The following BCO1 variants were observed in gnomAD, a reference collection of about 807,000 sequenced individuals.
BCO1 encodes the protein beta-carotene oxygenase 1.
A neutral mutation model predicts 56.3 loss-of-function variants in BCO1; 54 were observed. That is an observed-to-expected ratio of 0.96 (90% CI 0.77 to 1.20). The LOEUF is 1.20. Ranked by LOEUF, BCO1 falls within the 50% of genes most tolerant of loss-of-function variation. BCO1 has a pLI of 0.00. For missense variants in BCO1, 801 were observed against 690.9 expected (o/e 1.16, Z -1.79); for synonymous variants, 318 against 266.1 (o/e 1.20, Z -1.90).
At chr16:81,288,849 C>A (rs564835417) in intron 10 of BCO1, among the ~76,000 whole-genome samples, 1 of 152,348 alleles carries the variant, frequency 6.6e-6, no homozygotes, top group East Asian at 1.9e-4. Context: ...AGCCTGCCAG[C>A]TTCTTCCCTC....
chr16:81,286,981 A>C (rs980883057), intron 9 of BCO1, among the ~76,000 whole-genome samples: 2 of 152,108 alleles, frequency 1.3e-5, no homozygotes, highest in African/African-American at 4.8e-5. Context: ...AGGCTGAGGC[A>C]GGAGAATCAC....
At chr16:81,244,350 G>C (rs747387978) in intron 1 of BCO1, among the ~76,000 whole-genome samples, 1 of 151,710 alleles carries the variant, frequency 6.6e-6, no homozygotes, top group Non-Finnish European at 1.5e-5. Flanking sequence ...TTATTTCAGT[G>C]GTATATTTTA....
intron 6 of BCO1, among the ~76,000 whole-genome samples, chr16:81,268,432 C>G (rs1906970913): frequency 6.6e-6 from 1 of 152,178 alleles, no homozygotes; most frequent in South Asian, 2.1e-4. Flanking sequence ...GGAGTGAGTC[C>G]TCAGTCCTTA....
intron 9 of BCO1, among the ~76,000 whole-genome samples, chr16:81,286,928 A>T (rs1420520697): frequency 1.3e-5 from 2 of 151,060 alleles, no homozygotes; most frequent in Admixed American, 1.3e-4. Flanking sequence ...ACAAAAAATC[A>T]GCCAGGTGTG....
chr16:81,257,041 A>G (rs1212070451), intron 2 of BCO1, among the ~76,000 whole-genome samples: 1 of 151,652 alleles, frequency 6.6e-6, no homozygotes, highest in Non-Finnish European at 1.5e-5. Flanking sequence ...CATTTTCCCA[A>G]CTCCAGGCCT....
At chr16:81,262,927 G>T (rs1165364393) in intron 4 of BCO1, 2 of 155,812 alleles carry the variant, frequency 1.3e-5, no homozygotes, top group Non-Finnish European at 2.8e-5. Flanking sequence ...TGAAACCAAG[G>T]TGTCAGCCCG....
intron 4 of BCO1, chr16:81,262,530 T>A (rs1451954159): frequency 4.1e-6 from 2 of 485,374 alleles, no homozygotes; most frequent in Non-Finnish European, 7.6e-6. Flanking sequence ...AAAGATTGCT[T>A]TAAACAACAG....
chr16:81,242,706 G>A (rs1370769931), intron 1 of BCO1, among the ~76,000 whole-genome samples: 1 of 152,024 alleles, frequency 6.6e-6, no homozygotes, highest in Non-Finnish European at 1.5e-5. Flanking sequence ...AACCTTCGAA[G>A]CTCCAAGTTC....
chr16:81,257,454 GGGGTTTCACCATGTT>G (rs971752122), intron 2 of BCO1, among the ~76,000 whole-genome samples: 9 of 151,770 alleles, frequency 5.9e-5, no homozygotes, highest in African/African-American at 2.2e-4. Context: ...TAGTAGAGAT[GGGGTTTCACCATGTT>G]GGCCAGGCTG....
chr16:81,270,620 T>C (rs1232195111), intron 7 of BCO1, among the ~76,000 whole-genome samples: 1 of 143,492 alleles, frequency 7.0e-6, no homozygotes, highest in Non-Finnish European at 1.6e-5. Context: ...GAGAAAAAAA[T>C]CCCTATAAAC....
chr16:81,258,937 A>AAG lies in BCO1; in HGVS notation c.194-724_194-723dup, dbSNP rs149099784. On this transcript the variant is annotated intron_variant, in intron 2 of 10. Transcript: ENST00000258168. ...GGGGAGCAGGCATGTCACATGGTGA[A>AAG]AGAGAGAGAGAGAGAGGAGGGAGGG... is the stretch of plus-strand genomic sequence containing the variant. 2.3e-4 allele frequency among the ~76,000 whole-genome samples: 34 copies of AAG among 150,722 alleles called. No homozygotes were observed. In the East Asian group the frequency reaches 5.8e-3, roughly 26 times the overall value.
At chr16:81,258,771 T>C (rs1483095740) in intron 2 of BCO1, among the ~76,000 whole-genome samples, 2 of 152,222 alleles carry the variant, frequency 1.3e-5, no homozygotes, top group African/African-American at 4.8e-5. Flanking sequence ...TATAAAGGAA[T>C]ACCCAAGACC....
At chr16:81,276,173 G>C (rs1265028668) in intron 7 of BCO1, among the ~76,000 whole-genome samples, 1 of 152,224 alleles carries the variant, frequency 6.6e-6, no homozygotes, top group African/African-American at 2.4e-5. Context: ...TAGGTGCCAG[G>C]CTCTGTGTTC....
chr16:81,277,444 G>A (rs1436035847), intron 7 of BCO1, among the ~76,000 whole-genome samples: 1 of 152,182 alleles, frequency 6.6e-6, no homozygotes, highest in African/African-American at 2.4e-5. Flanking sequence ...CACGATGTGT[G>A]TGGCCCTGGA....
At chr16:81,281,057 G>A in intron 8 of BCO1, 95 bp downstream of exon 8, 1 of 884,328 alleles carries the variant, frequency 1.1e-6, no homozygotes. Context: ...TCCTGTGCAT[G>A]GACAAGGGCC....
Position 81,287,378 on chromosome 16 carries a change from C to CG in BCO1, c.1387dup (p.Ala463GlyfsTer7). The CG allele has an allele frequency of 6.2e-7, 1 of 1,613,932 alleles. No homozygotes were observed. Among genetic ancestry groups the CG allele is most frequent in the Non-Finnish European group, 8.5e-7 (1 of 1,179,942 alleles). On this transcript the variant is annotated frameshift_variant, in exon 10 of 11. Transcript: ENST00000258168. LOFTEE classifies it low-confidence loss of function (END_TRUNC). ...GGCCAGCGGAACCCCTGTTTGTGCCCGCGCCAGGTGCCAAGGATGAGGATG... is the reference window on the plus strand; with the variant it reads ...GGCCAGCGGAACCCCTGTTTGTGCCCGGCGCCAGGTGCCAAGGATGAGGATG...
chr16:81,269,877 A>T (rs1051366593), intron 6 of BCO1, among the ~76,000 whole-genome samples: 2 of 152,182 alleles, frequency 1.3e-5, no homozygotes, highest in Non-Finnish European at 2.9e-5. Context: ...TGCACACTGG[A>T]GCGTCTCTCC....
intron 2 of BCO1, 89 bp downstream of exon 2, chr16:81,245,692 G>A: frequency 1.3e-6 from 2 of 1,545,700 alleles, no homozygotes; most frequent in Non-Finnish European, 1.8e-6. Context: ...TTCTTTTAGG[G>A]ATTGGAGGTC....
At chr16:81,249,574 AT>A (rs1308268729) in intron 2 of BCO1, among the ~76,000 whole-genome samples, 3 of 151,368 alleles carry the variant, frequency 2.0e-5, no homozygotes, top group Non-Finnish European at 4.4e-5. Context: ...GTTTTTTTGT[AT>A]TTTTAGTAGA....
Sources: allele counts gnomAD v4.1 joint callset (sites outside exome capture counted in the v4.1 genomes callset), GRCh38; gene constraint gnomAD v4.1.1; transcripts MANE v1.5; gene names NCBI Gene and HGNC (gene_info 2026-07-23, HGNC 2026-07-21).